Variants in DOCK8 observed in about 807,000 individuals in gnomAD.
DOCK8 encodes the protein dedicator of cytokinesis 8.
DOCK8 carries 141 observed loss-of-function variants against 245.6 expected under a neutral mutation model. That is an observed-to-expected ratio of 0.57 (90% CI 0.50 to 0.66). The LOEUF (loss-of-function observed/expected upper bound fraction) is 0.66. DOCK8 is among the 30% of genes least tolerant of loss of function. The pLI is 0.00. For missense variants in DOCK8, 2,965 were observed against 2,603.4 expected, an observed-to-expected ratio of 1.14 and a Z score of -3.02; for synonymous variants, 1,168 against 970.2, an observed-to-expected ratio of 1.20 and a Z score of -3.79.
At chr9:425,195 A>G (rs979116484) in intron 33 of DOCK8, among the ~76,000 whole-genome samples, 1 of 152,106 alleles carries the variant, frequency 6.6e-6, no homozygotes, top group African/African-American at 2.4e-5. Context: ...ACTAGACAGC[A>G]TTGCTCTAAA....
intron 6 of DOCK8, among the ~76,000 whole-genome samples, chr9:316,485 A>G (rs944583798): frequency 8.5e-5 from 13 of 152,194 alleles, no homozygotes; most frequent in Non-Finnish European, 1.9e-4. Context: ...AGGAAGCTCT[A>G]ACTGCATAAG....
intron 5 of DOCK8, among the ~76,000 whole-genome samples, chr9:306,560 A>G (rs948297153): frequency 6.6e-6 from 1 of 152,154 alleles, no homozygotes; most frequent in Non-Finnish European, 1.5e-5. Context: ...AATGGAGGCT[A>G]TCCTAAAATC....
chr9:462,437 T>G (rs1031985330), intron 46 of DOCK8, among the ~76,000 whole-genome samples: 3 of 152,232 alleles, frequency 2.0e-5, no homozygotes, highest in Non-Finnish European at 4.4e-5. Flanking sequence ...CTGGACATCT[T>G]GCAGCATTTT....
intron 1 of DOCK8, among the ~76,000 whole-genome samples, chr9:233,173 G>A (rs1327370926): frequency 1.3e-5 from 2 of 152,228 alleles, no homozygotes; most frequent in Admixed American, 1.3e-4. Flanking sequence ...TCATTCAGGA[G>A]CAGGTTGTTC....
chr9:252,097 C>T, intron 1 of DOCK8, among the ~76,000 whole-genome samples: 1 of 151,684 alleles, frequency 6.6e-6, no homozygotes, highest in Admixed American at 6.6e-5. Flanking sequence ...CCTCAGCCTC[C>T]TGAGTAGCTG....
intron 26 of DOCK8, among the ~76,000 whole-genome samples, chr9:400,085 CCTCCACCAT>C (rs1400324822): frequency 5.9e-5 from 7 of 119,444 alleles, no homozygotes; most frequent in African/African-American, 2.7e-4. Context: ...ATCACCACCA[CCTCCACCAT>C]CACCACCACC....
intron 1 of DOCK8, among the ~76,000 whole-genome samples, chr9:241,204 C>G (rs1236143677): frequency 6.6e-6 from 1 of 152,120 alleles, no homozygotes; most frequent in Non-Finnish European, 1.5e-5. Context: ...TCCATCATCT[C>G]AAACTCTAAT....
chr9:323,464 G>A (rs556832062), intron 7 of DOCK8, among the ~76,000 whole-genome samples: 2 of 151,898 alleles, frequency 1.3e-5, no homozygotes, highest in African/African-American at 2.4e-5. Flanking sequence ...CTCATGATCC[G>A]CTTGCCTCGG....
In DOCK8 at chr9:312,537, A is replaced by G. The variant is rs556270741; in HGVS notation, c.741+371A>G. 10 of 404,038 alleles carry G rather than the reference A, an allele frequency of 2.5e-5. No individual in the cohort carries two copies. In the East Asian group the frequency reaches 4.8e-4, roughly 19 times the overall value. 25.0% of individuals were successfully genotyped at this position (404,038 alleles called of 1,614,324 possible). ...TGGTCACTAATCCATTGAGACATAC[A>G]TTACTTAAACTTTGATGTTCTTTAG... On this transcript the variant is annotated intron_variant, in intron 6 of 47. Coordinates refer to ENST00000432829, the MANE Select transcript of DOCK8 (RefSeq NM_203447.4).
chr9:396,824 C>T lies in DOCK8; in HGVS notation c.3010C>T (p.Arg1004Trp), dbSNP rs369178263. 8.1e-5 allele frequency: 131 copies of T among 1,614,086 alleles called. No individual in the cohort carries two copies. Among genetic ancestry groups the T allele is most frequent in the Admixed American group, 2.8e-4 (17 of 60,010 alleles). The change falls in exon 25 of 48, where the codon CGG (arginine) becomes TGG (tryptophan). Residue 1004 changes from arginine to tryptophan, a missense_variant. This residue lies in a region of DOCK8 where 2,825 missense variants were observed against 2,453.5 expected (regional missense o/e 1.15). Coordinates refer to ENST00000432829, the MANE Select transcript of DOCK8 (RefSeq NM_203447.4). ...MAQHVHNMDKRDSFRRTRFSD... is the reference protein window; with the variant it reads ...MAQHVHNMDKWDSFRRTRFSD... The stretch of plus-strand genomic sequence containing the variant: ...CCAGCACGTACATAACATGGACAAA[C>T]GGGACAGTTTTCGGAGGACTCGTTT...
At chr9:219,449 G>C (rs578062) in intron 1 of DOCK8, among the ~76,000 whole-genome samples, 1 of 151,832 alleles carries the variant, frequency 6.6e-6, no homozygotes, top group Admixed American at 6.5e-5. Context: ...CAGCCTGGGC[G>C]ACAGAGTGAC....
intron 40 of DOCK8, among the ~76,000 whole-genome samples, chr9:440,419 T>C (rs1042179945): frequency 1.3e-5 from 2 of 152,242 alleles, no homozygotes; most frequent in East Asian, 1.9e-4. Context: ...TTTTCATCTA[T>C]ACTATACTCA....
chr9:285,041 G>A (rs1437044972), intron 2 of DOCK8, among the ~76,000 whole-genome samples: 2 of 152,046 alleles, frequency 1.3e-5, no homozygotes, highest in Non-Finnish European at 2.9e-5. Flanking sequence ...AAACCCCCAT[G>A]ACATGACTTT....
intron 6 of DOCK8, chr9:312,612 T>C: frequency 2.8e-6 from 1 of 361,168 alleles, no homozygotes; most frequent in Middle Eastern, 9.7e-4. Flanking sequence ...CAGAGAGACC[T>C]GCTTTGAAAA....
chr9:381,191 G>A (rs1421638679), intron 21 of DOCK8: 1 of 152,148 alleles, frequency 6.6e-6, no homozygotes, highest in Non-Finnish European at 1.5e-5. Flanking sequence ...GAAATTATGT[G>A]TTTCTTTATA....
intron 7 of DOCK8, among the ~76,000 whole-genome samples, chr9:319,407 A>G (rs2050488619): frequency 1.3e-5 from 2 of 152,374 alleles, no homozygotes; most frequent in South Asian, 4.1e-4. Context: ...TGCCAGGTGC[A>G]CTTGGCCTGC....
chr9:347,732 G>A (rs540500738), intron 14 of DOCK8, among the ~76,000 whole-genome samples: 135 of 152,252 alleles, frequency 8.9e-4, no homozygotes, highest in African/African-American at 2.9e-3. Context: ...ACTTGGTCTC[G>A]ATAATAAATC....
At chr9:346,934 G>C (rs2130982808) in intron 14 of DOCK8, among the ~76,000 whole-genome samples, 1 of 152,214 alleles carries the variant, frequency 6.6e-6, no homozygotes, top group African/African-American at 2.4e-5. Context: ...GAGTATCCTT[G>C]AAAGGGACTT....
At chr9:313,767 A>G (rs10969655) in intron 6 of DOCK8, among the ~76,000 whole-genome samples, 5,509 of 152,324 alleles carry the variant, frequency 0.036, 143 homozygotes, top group Admixed American at 0.062. Context: ...CTCATCACAC[A>G]CACACAAAAG....
Sources: allele counts gnomAD v4.1 joint callset (sites outside exome capture counted in the v4.1 genomes callset), GRCh38; gene constraint gnomAD v4.1.1; regional missense constraint gnomAD v4.1.1; transcripts MANE v1.5; gene names NCBI Gene and HGNC (gene_info 2026-07-23, HGNC 2026-07-21).